The following FBXO11 variants were observed in gnomAD, a reference collection of about 807,000 sequenced individuals.
The protein encoded by FBXO11 is F-box protein 11.
A neutral mutation model predicts 117.0 loss-of-function variants in FBXO11; 13 were observed. The observed-to-expected ratio is 0.11, with a 90% CI of 0.07 to 0.18. The LOEUF (loss-of-function observed/expected upper bound fraction) is 0.18. Among genes scored for constraint, FBXO11 ranks in the 10% least tolerant of loss-of-function variants. The probability of loss-of-function intolerance (pLI) is 1.00; values close to 1 mark genes in which losing one functional copy is unlikely to be tolerated. For missense variants in FBXO11, 767 were observed against 1,164.4 expected (o/e 0.66, Z 4.97); for synonymous variants, 490 against 380.5 (o/e 1.29, Z -3.35).
chr2:47,836,936 G>A (rs1672623550), intron 4 of FBXO11: 2 of 377,220 alleles, frequency 5.3e-6, no homozygotes, highest in Non-Finnish European at 1.0e-5. Flanking sequence ...TGAGGTCCCA[G>A]TATGTTGCCC....
chr2:47,860,112 T>C lies in FBXO11; in HGVS notation c.233-20343A>G, dbSNP rs556716619. Among the ~76,000 whole-genome samples the C allele has an allele frequency of 2.2e-4, 33 of 152,320 alleles. 1 individual carries two copies. The highest frequency in any genetic ancestry group is 7.9e-4 in the African/African-American group (33 of 41,584). On this transcript the variant is annotated intron_variant, in intron 1 of 22. Coordinates refer to ENST00000403359, the MANE Select transcript of FBXO11 (RefSeq NM_001190274.2). ...CACTAAATGAGAGCTTAAGAGGTTT[T>C]TTCCAAGAAAGAACATGGGTTTTAG... is the stretch of plus-strand genomic sequence containing the variant.
chr2:47,877,029 T>C (rs1259633167), intron 1 of FBXO11, among the ~76,000 whole-genome samples: 2 of 151,762 alleles, frequency 1.3e-5, no homozygotes, highest in Non-Finnish European at 2.9e-5. Context: ...AATGACATCT[T>C]ACTTAATACA....
In FBXO11 at chr2:47,900,451, A is replaced by G. The variant is rs140717042; in HGVS notation, c.232+5038T>C. Among the ~76,000 whole-genome samples the G allele has an allele frequency of 2.2e-3, 328 of 152,148 alleles. 2 individuals carry two copies. The highest frequency in any genetic ancestry group is 7.5e-3 in the African/African-American group (311 of 41,492). On this transcript the variant is annotated intron_variant, in intron 1 of 22. Coordinates refer to ENST00000403359, the MANE Select transcript of FBXO11 (RefSeq NM_001190274.2). ...CTAGAACAATGCCACAGAAAGTATA[A>G]CTAGCATTCCTGACTAGAACAGCAA...
chr2:47,853,632 G>A (rs1017923706), intron 1 of FBXO11, among the ~76,000 whole-genome samples: 1 of 152,034 alleles, frequency 6.6e-6, no homozygotes. Flanking sequence ...TTTAACTTAA[G>A]CTCCTCAACT....
intron 1 of FBXO11, among the ~76,000 whole-genome samples, chr2:47,889,625 G>C (rs942692767): frequency 9.7e-6 from 1 of 102,802 alleles, no homozygotes; most frequent in East Asian, 2.1e-4. Context: ...CTCTTAGAAA[G>C]TGAGAGGGTT....
intron 1 of FBXO11, among the ~76,000 whole-genome samples, chr2:47,860,229 C>G (rs1003848207): frequency 2.0e-5 from 3 of 152,128 alleles, no homozygotes; most frequent in African/African-American, 7.2e-5. Context: ...AGTTAAACTA[C>G]TCATTTTTAT....
At chr2:47,833,938 G>A (rs1182566807) in intron 7 of FBXO11, among the ~76,000 whole-genome samples, 1 of 152,036 alleles carries the variant, frequency 6.6e-6, no homozygotes, top group Non-Finnish European at 1.5e-5. Context: ...AAACTACTGG[G>A]TTTACAGGTG....
intron 1 of FBXO11, among the ~76,000 whole-genome samples, chr2:47,852,472 A>C (rs1673946057): frequency 6.6e-6 from 1 of 152,180 alleles, no homozygotes; most frequent in Non-Finnish European, 1.5e-5. Flanking sequence ...AAAGGTATTA[A>C]TTTGTTCTAC....
At chr2:47,892,399 G>A (rs1677322871) in intron 1 of FBXO11, among the ~76,000 whole-genome samples, 2 of 152,206 alleles carry the variant, frequency 1.3e-5, no homozygotes, top group Admixed American at 6.5e-5. Context: ...TGATTGGTAT[G>A]TAACACTTTC....
intron 7 of FBXO11, among the ~76,000 whole-genome samples, chr2:47,833,408 CTATT>C (rs1672325147): frequency 6.6e-6 from 1 of 152,152 alleles, no homozygotes; most frequent in Admixed American, 6.5e-5. Context: ...GAAGAGACCT[CTATT>C]TAAATTTATT....
rs768507492 is a variant in FBXO11, at chr2:47,808,319, T to C, written c.2654+10A>G. The C allele has an allele frequency of 1.1e-5, 18 of 1,612,390 alleles. No individual in the cohort carries two copies. The Admixed American group carries it at 2.3e-4, about 21-fold the overall frequency. On this transcript the variant is annotated intron_variant, in intron 22 of 22. Coordinates refer to ENST00000403359, the MANE Select transcript of FBXO11 (RefSeq NM_001190274.2). ...AATTGGGTAATATATCAAGCAAGTG[T>C]GCTACATACCTATCATGTCTAATAA...
intron 7 of FBXO11, among the ~76,000 whole-genome samples, 165 bp from the exon 8 acceptor site, chr2:47,833,235 T>C (rs1395893680): frequency 6.6e-6 from 1 of 152,206 alleles, no homozygotes; most frequent in Non-Finnish European, 1.5e-5. Context: ...TTCAAATCCA[T>C]GCACAGTATT....
intron 1 of FBXO11, among the ~76,000 whole-genome samples, chr2:47,868,725 T>G (rs923749436): frequency 1.3e-5 from 2 of 152,180 alleles, no homozygotes; most frequent in Non-Finnish European, 2.9e-5. Context: ...CCAAGGTTGA[T>G]TTGGCTATGG....
At position 47,828,337 on chromosome 2, in the gene FBXO11, AG is replaced by A. The variant is rs533251343; in HGVS notation, c.1398+4011del. Among the ~76,000 whole-genome samples, 16 of 152,296 alleles carry A rather than the reference AG, an allele frequency of 1.1e-4. No homozygotes were observed. The East Asian group carries it at 3.1e-3, about 29-fold the overall frequency. On this transcript the variant is annotated intron_variant, in intron 11 of 22. Coordinates refer to ENST00000403359, the MANE Select transcript of FBXO11 (RefSeq NM_001190274.2). ...GTTCCAACATGTATAAATTTTTTGA[AG>A]TAAAACATTCTTTATTAAATATGAC...
At position 47,881,006 on chromosome 2, in the gene FBXO11, G is replaced by C. The variant is rs143875804; in HGVS notation, c.232+24483C>G. The stretch of plus-strand genomic sequence containing the variant: ...ATGGTGACTCACACCTGTAATCCCA[G>C]CACTTTGGGAGGCTGAGGTGGGCAG... On this transcript the variant is annotated intron_variant, in intron 1 of 22. Transcript: ENST00000403359. Among the ~76,000 whole-genome samples, 863 of 152,230 alleles carry C rather than the reference G, an allele frequency of 5.7e-3. 5 individuals carry two copies. Among genetic ancestry groups the C allele is most frequent in the African/African-American group, 0.02 (828 of 41,556 alleles).
chr2:47,822,331 A>G (rs766447421), intron 12 of FBXO11, 28 bp from the exon 13 acceptor site: 8 of 1,431,444 alleles, frequency 5.6e-6, no homozygotes, highest in Admixed American at 2.0e-5. Context: ...AAAAAAAAAG[A>G]AGACATCTAT....
chr2:47,875,836 T>TTC (rs1439003952), intron 1 of FBXO11, among the ~76,000 whole-genome samples: 2 of 152,346 alleles, frequency 1.3e-5, no homozygotes, highest in African/African-American at 4.8e-5. Context: ...TTCATTCTCT[T>TTC]ATTTTCATTC....
chr2:47,854,000 A>C (rs1447930598), intron 1 of FBXO11, among the ~76,000 whole-genome samples: 2 of 152,246 alleles, frequency 1.3e-5, no homozygotes, highest in Non-Finnish European at 2.9e-5. Flanking sequence ...CCACAGATAA[A>C]AATGAATACT....
rs1671443893 is a variant in FBXO11 at position 47,822,213 on chromosome 2, C to G, written c.1702+5G>C. 6.4e-7 allele frequency: 1 copy of G among 1,571,748 alleles called. No individual in the cohort carries two copies. The highest frequency in any genetic ancestry group is 1.2e-5 in the South Asian group (1 of 85,602). ...AAGTTTTATAGAACAAAACCATACGCTTACCATAAATGTCATTTCCTTCAA... is the reference window on the plus strand; with the variant it reads ...AAGTTTTATAGAACAAAACCATACGGTTACCATAAATGTCATTTCCTTCAA... On this transcript the variant is annotated splice_donor_5th_base_variant and intron_variant, in intron 13 of 22. Coordinates refer to ENST00000403359, the MANE Select transcript of FBXO11 (RefSeq NM_001190274.2).
Sources: gnomAD v4.1 joint callset for allele counts (sites outside exome capture counted in the v4.1 genomes callset) on GRCh38, gnomAD v4.1.1 for gene constraint, MANE v1.5 for transcripts, NCBI Gene and HGNC (gene_info 2026-07-23, HGNC 2026-07-21) for gene names.